EYS: variants seen among roughly 807,000 people sequenced by gnomAD.
EYS encodes EGF-like photoreceptor maintenance factor, also known as protein eyes shut homolog.
Under a neutral mutation model 282.1 loss-of-function variants are expected in EYS, and 250 were observed. The observed-to-expected ratio is 0.89, with a 90% CI of 0.80 to 0.98. The LOEUF (loss-of-function observed/expected upper bound fraction) is 0.98, where lower values mean the gene tolerates loss of function less well. EYS is among the 50% of genes least tolerant of loss of function. EYS has a pLI of 0.00. For missense variants in EYS, 4,016 were observed against 3,709.0 expected (o/e 1.08, Z -2.15); for synonymous variants, 1,355 against 1,282.9 (o/e 1.06, Z -1.20).
At position 64,686,005 on chromosome 6, in the gene EYS, C is replaced by A. The variant is rs1583038235; in HGVS notation, c.3444-59760G>T. ...ATAAAAATAAAGTATGGAAAAAAGTCAGACATATTTGGAAATTACACAATG... is the reference window on the plus strand; with the variant it reads ...ATAAAAATAAAGTATGGAAAAAAGTAAGACATATTTGGAAATTACACAATG... On this transcript the variant is annotated intron_variant, in intron 22 of 42. Transcript: ENST00000503581. Among the ~76,000 whole-genome samples the A allele has an allele frequency of 2.6e-5, 4 of 151,302 alleles. No homozygotes were observed. In the East Asian group the frequency reaches 7.8e-4, roughly 29 times the overall value.
chr6:63,721,226 G>GT lies in EYS; in HGVS notation c.8804dup (p.Tyr2935Ter), dbSNP rs1768373125. 1 of 1,551,654 alleles carries GT rather than the reference G, an allele frequency of 6.4e-7. No individual in the cohort carries two copies. ...CCCAACCCAAAGTACACAGGCAACT[G>GT]TAAGAAAATGATTGGTCAGGTATAC... ...SLCIPDQSFS[Y>*]SCLCTLGWVG... Residue 2935 changes from tyrosine (Y) to a stop codon, truncating the protein, a stop_gained and frameshift_variant, in exon 43 of 43, where the codon TAC (tyrosine) becomes TAAC (stop). Coordinates refer to ENST00000503581, the MANE Select transcript of EYS (RefSeq NM_001142800.2). LOFTEE classifies it high-confidence loss of function.
chr6:64,316,742 T>G, intron 29 of EYS, among the ~76,000 whole-genome samples: 1 of 151,852 alleles, frequency 6.6e-6, no homozygotes, highest in Non-Finnish European at 1.5e-5. Flanking sequence ...CCAAAAAAGA[T>G]CCCACATAGC....
In EYS at chr6:64,649,441, G is replaced by C. The variant is rs148767728; in HGVS notation, c.3444-23196C>G. 2.2e-3 allele frequency among the ~76,000 whole-genome samples: 340 copies of C among 151,998 alleles called. 3 individuals are homozygous for C. The highest frequency in any genetic ancestry group is 7.6e-3 in the African/African-American group (315 of 41,478). On this transcript the variant is annotated intron_variant, in intron 22 of 42. Transcript: ENST00000503581. ...AACCTCCGCCTTCCAGGGTTCAAGCGATTCTCCTGCCCCTCAGCCTCCTGA... is the reference window on the plus strand; with the variant it reads ...AACCTCCGCCTTCCAGGGTTCAAGCCATTCTCCTGCCCCTCAGCCTCCTGA...
chr6:64,958,942 T>C (rs1769818999), intron 14 of EYS, among the ~76,000 whole-genome samples: 1 of 152,098 alleles, frequency 6.6e-6, no homozygotes, highest in Admixed American at 6.6e-5. Flanking sequence ...CCCAGGACCT[T>C]AACAATTATT....
At chr6:64,450,708 C>G (rs1346534270) in intron 26 of EYS, among the ~76,000 whole-genome samples, 1 of 152,160 alleles carries the variant, frequency 6.6e-6, no homozygotes, top group African/African-American at 2.4e-5. Flanking sequence ...GAAACTCACT[C>G]AAAACCACTC....
At chr6:65,705,144 A>G (rs1769829311) in intron 1 of EYS, among the ~76,000 whole-genome samples, 1 of 152,206 alleles carries the variant, frequency 6.6e-6, no homozygotes, top group African/African-American at 2.4e-5. Context: ...AAAAGTTACT[A>G]TGAGCCTCTG....
At chr6:64,739,951 C>G (rs746343899) in intron 22 of EYS, among the ~76,000 whole-genome samples, 2 of 151,934 alleles carry the variant, frequency 1.3e-5, no homozygotes, top group Non-Finnish European at 2.9e-5. Context: ...ACACATTAGG[C>G]TAAGGTGTTA....
chr6:64,592,181 C>A (rs1766433592), intron 25 of EYS, among the ~76,000 whole-genome samples, 192 bp from the exon 26 acceptor site: 1 of 151,978 alleles, frequency 6.6e-6, no homozygotes, highest in Admixed American at 6.6e-5. Flanking sequence ...TGCATAAATG[C>A]AAAGATTCCT....
intron 15 of EYS, among the ~76,000 whole-genome samples, chr6:64,936,863 G>C (rs1768923810): frequency 6.6e-6 from 1 of 151,310 alleles, no homozygotes; most frequent in Non-Finnish European, 1.5e-5. Context: ...AAGGATCCCA[G>C]TTTAGCAAAA....
chr6:64,446,645 AT>A (rs1430799550), intron 26 of EYS, among the ~76,000 whole-genome samples: 2 of 151,990 alleles, frequency 1.3e-5, no homozygotes, highest in African/African-American at 2.4e-5. Context: ...TAGTGTTTCT[AT>A]ATACAAGATT....
At chr6:64,647,225 G>A (rs9345341) in intron 22 of EYS, among the ~76,000 whole-genome samples, 97,261 of 151,900 alleles carry the variant, frequency 0.64, 31,345 homozygotes, top group African/African-American at 0.71. Context: ...TTTTAGTAAA[G>A]TACCTCCTGA....
chr6:65,027,174 TAC>T (rs1341544586), intron 13 of EYS, among the ~76,000 whole-genome samples: 1 of 152,172 alleles, frequency 6.6e-6, no homozygotes, highest in Non-Finnish European at 1.5e-5. Flanking sequence ...GATGTTTTTG[TAC>T]AGTTATTTTA....
chr6:64,179,375 AT>A, intron 31 of EYS, among the ~76,000 whole-genome samples: 1 of 152,212 alleles, frequency 6.6e-6, no homozygotes, highest in South Asian at 2.1e-4. Flanking sequence ...TAAAATGCCA[AT>A]TTTAAATCAC....
At chr6:64,975,892 G>A (rs1202644496) in intron 14 of EYS, among the ~76,000 whole-genome samples, 2 of 151,484 alleles carry the variant, frequency 1.3e-5, no homozygotes, top group Non-Finnish European at 3.0e-5. Context: ...CTAAAAACTG[G>A]AGGCCTATTT....
At chr6:65,223,138 G>A (rs1189906193) in intron 12 of EYS, among the ~76,000 whole-genome samples, 1 of 152,040 alleles carries the variant, frequency 6.6e-6, no homozygotes, top group African/African-American at 2.4e-5. Flanking sequence ...ACAATAAATA[G>A]GGGAATGTAT....
intron 22 of EYS, among the ~76,000 whole-genome samples, chr6:64,652,946 C>A (rs1368676235): frequency 6.6e-6 from 1 of 152,092 alleles, no homozygotes; most frequent in Admixed American, 6.6e-5. Context: ...GCATATTATT[C>A]ATTAGGGGTT....
At chr6:65,619,179 C>T (rs939593309) in intron 2 of EYS, among the ~76,000 whole-genome samples, 21 of 151,780 alleles carry the variant, frequency 1.4e-4, no homozygotes, top group South Asian at 6.3e-4. Flanking sequence ...TTCTTCCTAC[C>T]CATGAGCATG....
intron 11 of EYS, among the ~76,000 whole-genome samples, chr6:65,333,886 G>A (rs1769885907): frequency 6.6e-6 from 1 of 150,926 alleles, no homozygotes; most frequent in African/African-American, 2.4e-5. Flanking sequence ...AGGCACTCCA[G>A]TTTTCTTCTT....
At chr6:65,647,890 CA>C (rs1359218028) in intron 1 of EYS, among the ~76,000 whole-genome samples, 1 of 151,948 alleles carries the variant, frequency 6.6e-6, no homozygotes, top group Non-Finnish European at 1.5e-5. Flanking sequence ...AGACAATCCT[CA>C]AAAAAAGATA....
Sources: gnomAD v4.1 joint callset for allele counts (sites outside exome capture counted in the v4.1 genomes callset) on GRCh38, gnomAD v4.1.1 for gene constraint, MANE v1.5 for transcripts, NCBI Gene and HGNC (gene_info 2026-07-23, HGNC 2026-07-21) for gene names.